Variants in SHCBP1L observed in about 807,000 individuals in gnomAD.
SHCBP1L encodes the protein testicular spindle-associated protein SHCBP1L.
Under a neutral mutation model 62.5 loss-of-function variants are expected in SHCBP1L, and 67 were observed. That is an observed-to-expected ratio of 1.07 (90% CI 0.88 to 1.31). The LOEUF (loss-of-function observed/expected upper bound fraction) is 1.31. Ranked by LOEUF, SHCBP1L falls within the 40% of genes most tolerant of loss-of-function variation. The pLI, the probability that SHCBP1L is intolerant of heterozygous loss-of-function variation, is 0.00. For synonymous variants in SHCBP1L, 284 were observed against 289.4 expected, an observed-to-expected ratio of 0.98 and a Z score of 0.19; for missense variants, 823 against 809.8, an observed-to-expected ratio of 1.02 and a Z score of -0.20.
In SHCBP1L at chr1:182,953,154, C is replaced by A. The variant is rs201900062; in HGVS notation, c.-21G>T. The A allele has an allele frequency of 3.8e-6, 6 of 1,571,624 alleles. No homozygotes were observed. Among genetic ancestry groups the A allele is most frequent in the Admixed American group, 1.8e-5 (1 of 56,784 alleles). On this transcript the variant is annotated 5_prime_UTR_variant, in exon 1 of 10. Transcript: ENST00000367547. ...GCCATCTCCTCAGCAGCCCGAGGGC[C>A]GAGGCAGCCGTTGGCCACTTTTCCC...
intron 5 of SHCBP1L, among the ~76,000 whole-genome samples, chr1:182,933,334 C>A (rs1018750450): frequency 6.6e-6 from 1 of 151,996 alleles, no homozygotes; most frequent in Admixed American, 6.6e-5. Flanking sequence ...ATTTCTTTTT[C>A]TTGCCTAATT....
intron 2 of SHCBP1L, among the ~76,000 whole-genome samples, chr1:182,948,205 T>C (rs1651626634): frequency 6.6e-6 from 1 of 152,214 alleles, no homozygotes; most frequent in African/African-American, 2.4e-5. Context: ...ACTATGTTTC[T>C]AAGTTTTTTG....
chr1:182,905,719 C>T (rs765241985), intron 6 of SHCBP1L, 70 bp from the exon 7 acceptor site: 40 of 1,450,662 alleles, frequency 2.8e-5, no homozygotes, highest in Non-Finnish European at 3.4e-5. Context: ...TAATCAGTTA[C>T]TTACTGGACA....
At chr1:182,916,933 A>G (rs1296218309) in intron 6 of SHCBP1L, among the ~76,000 whole-genome samples, 2 of 152,186 alleles carry the variant, frequency 1.3e-5, no homozygotes, top group East Asian at 3.8e-4. Flanking sequence ...AAAGATAACT[A>G]TTGGGTACTG....
chr1:182,922,240 T>C (rs910455259), intron 6 of SHCBP1L, among the ~76,000 whole-genome samples: 5 of 151,952 alleles, frequency 3.3e-5, no homozygotes, highest in Admixed American at 1.3e-4. Flanking sequence ...AGACAGATAA[T>C]TGAGGCAGAA....
chr1:182,930,818 T>C (rs1187779338), intron 5 of SHCBP1L, among the ~76,000 whole-genome samples: 2 of 139,242 alleles, frequency 1.4e-5, no homozygotes, highest in African/African-American at 5.3e-5. Flanking sequence ...CTTGACCTCC[T>C]GGGCTCAAGC....
At chr1:182,924,761 A>AAGG (rs1650644098) in intron 6 of SHCBP1L, among the ~76,000 whole-genome samples, 3 of 110,494 alleles carry the variant, frequency 2.7e-5, no homozygotes, top group Non-Finnish European at 4.9e-5. Flanking sequence ...AGAAAGAAAG[A>AAGG]AAGAAAGAAA....
chr1:182,922,919 T>A (rs182441083), intron 6 of SHCBP1L, among the ~76,000 whole-genome samples: 1 of 152,246 alleles, frequency 6.6e-6, no homozygotes, highest in East Asian at 1.9e-4. Context: ...ACTGAATGAA[T>A]TTGAGATGTG....
chr1:182,900,326 T>A (rs1649788682), intron 9 of SHCBP1L, 92 bp from the exon 10 acceptor site: 3 of 1,102,746 alleles, frequency 2.7e-6, no homozygotes, highest in Non-Finnish European at 3.7e-6. Context: ...ACTTTATTCT[T>A]GGATTAACAG....
At chr1:182,920,395 G>T (rs145554347) in intron 6 of SHCBP1L, among the ~76,000 whole-genome samples, 1 of 151,988 alleles carries the variant, frequency 6.6e-6, no homozygotes. Flanking sequence ...ACCCTCACAC[G>T]CATCAAAGAA....
At chr1:182,920,948 A>G (rs1650509583) in intron 6 of SHCBP1L, among the ~76,000 whole-genome samples, 1 of 152,222 alleles carries the variant, frequency 6.6e-6, no homozygotes, top group Admixed American at 6.5e-5. Context: ...GCAAGCAAGC[A>G]TATTTCAGGA....
In SHCBP1L at chr1:182,952,786, C is replaced by G. The variant is rs1651827240; in HGVS notation, c.348G>C (p.Gly116=). 2 of 1,612,600 alleles carry G rather than the reference C, an allele frequency of 1.2e-6. No homozygotes were observed. Among genetic ancestry groups the G allele is most frequent in the African/African-American group, 2.7e-5 (2 of 74,736 alleles). The part of the protein sequence containing the change: ...LPPVCVSRMR[G]MWRDEKVSLY... ...GCGACACCTTCTCGTCCCGCCACAT[C>G]CCCCTCATACGGGACACGCAGACTG... The change falls in exon 1 of 10, where the codon GGG becomes GGC. Residue 116 remains glycine (G), a synonymous_variant. Coordinates refer to ENST00000367547, the MANE Select transcript of SHCBP1L (RefSeq NM_030933.4).
chr1:182,947,232 G>C (rs1571360926), intron 2 of SHCBP1L, among the ~76,000 whole-genome samples: 1 of 114,566 alleles, frequency 8.7e-6, no homozygotes, highest in Non-Finnish European at 1.6e-5. Context: ...GTGAGACTCT[G>C]TCTCAAAAAA....
intron 2 of SHCBP1L, among the ~76,000 whole-genome samples, chr1:182,947,073 C>A (rs1195937963): frequency 6.6e-6 from 1 of 151,982 alleles, no homozygotes; most frequent in Admixed American, 6.6e-5. Context: ...CTCGTCTCTA[C>A]TAAAAATACA....
chr1:182,901,243 AGG>A (rs1649823896), intron 9 of SHCBP1L, among the ~76,000 whole-genome samples: 1 of 152,142 alleles, frequency 6.6e-6, no homozygotes, highest in South Asian at 2.1e-4. Context: ...GGATCACCTG[AGG>A]TCAGTAGTTC....
At chr1:182,945,811 G>T (rs898250027) in intron 2 of SHCBP1L, among the ~76,000 whole-genome samples, 5 of 152,130 alleles carry the variant, frequency 3.3e-5, no homozygotes, top group African/African-American at 1.2e-4. Flanking sequence ...TGTAATCCCA[G>T]CACTTTGGGA....
At chr1:182,906,658 C>T (rs1650024100) in intron 6 of SHCBP1L, among the ~76,000 whole-genome samples, 1 of 151,764 alleles carries the variant, frequency 6.6e-6, no homozygotes, top group Non-Finnish European at 1.5e-5. Context: ...TCTCGAACTC[C>T]TGACCTCAGG....
At chr1:182,942,385 G>A in intron 2 of SHCBP1L, 1 of 741,606 alleles carries the variant, frequency 1.3e-6, no homozygotes, top group South Asian at 1.4e-5. Flanking sequence ...CGGCGGAGCT[G>A]ACCTTCCTCT....
chr1:182,943,732 G>A (rs925260383), intron 2 of SHCBP1L, among the ~76,000 whole-genome samples: 2 of 151,492 alleles, frequency 1.3e-5, no homozygotes, highest in African/African-American at 4.8e-5. Flanking sequence ...ACAGGCGTGA[G>A]CCACTGCACC....
Sources: gnomAD v4.1 joint callset for allele counts (sites outside exome capture counted in the v4.1 genomes callset) on GRCh38, gnomAD v4.1.1 for gene constraint, MANE v1.5 for transcripts, NCBI Gene and HGNC (gene_info 2026-07-23, HGNC 2026-07-21) for gene names.